PPP2R2D: variants seen among roughly 807,000 people sequenced by gnomAD.
PPP2R2D encodes the protein serine/threonine-protein phosphatase 2A 55 kDa regulatory subunit B delta isoform.
Under a neutral mutation model 31.1 loss-of-function variants are expected in PPP2R2D, and 9 were observed. The ratio of observed to expected loss-of-function variants is 0.29; its 90% CI spans 0.17 to 0.51. The LOEUF is 0.51. Among genes scored for constraint, PPP2R2D ranks in the 20% least tolerant of loss-of-function variants. PPP2R2D has a pLI of 0.98. For synonymous variants in PPP2R2D, 179 were observed against 172.6 expected, an observed-to-expected ratio of 1.04 and a Z score of -0.29; for missense variants, 391 against 465.6, an observed-to-expected ratio of 0.84 and a Z score of 1.48.
the PPP2R2D span, chr10:131,971,495 T>C: frequency 5.8e-5 from 9 of 156,438 alleles, no homozygotes; most frequent in South Asian, 1.8e-3. Flanking sequence ...CTCAGAATTA[T>C]ATAACAGCAC....
At chr10:131,907,408 G>A (rs922775037) in intron 2 of PPP2R2D, among the ~76,000 whole-genome samples, 48 of 152,284 alleles carry the variant, frequency 3.2e-4, no homozygotes, top group Non-Finnish European at 5.3e-4. Context: ...GAGCTTCATA[G>A]GAAGCCTCTG....
chr10:131,944,230 C>T, intron 6 of PPP2R2D, 85 bp downstream of exon 6: 1 of 1,125,906 alleles, frequency 8.9e-7, no homozygotes, highest in South Asian at 1.5e-5. Context: ...ACACCTGTAT[C>T]TCGGAGTCTA....
chr10:131,936,948 G>A (rs550196306), intron 3 of PPP2R2D, among the ~76,000 whole-genome samples: 5 of 152,340 alleles, frequency 3.3e-5, no homozygotes, highest in East Asian at 1.9e-4. Context: ...GGGTAAGGGC[G>A]GCAGTGCACG....
chr10:131,926,842 G>T (rs1406884369), intron 2 of PPP2R2D, among the ~76,000 whole-genome samples: 1 of 152,250 alleles, frequency 6.6e-6, no homozygotes, highest in Non-Finnish European at 1.5e-5. Flanking sequence ...CCTCTGCCCA[G>T]CGTGTAGAGG....
intron 2 of PPP2R2D, among the ~76,000 whole-genome samples, chr10:131,931,973 G>C (rs1378060337): frequency 6.6e-6 from 1 of 151,806 alleles, no homozygotes; most frequent in Non-Finnish European, 1.5e-5. Flanking sequence ...CTGCATCTCT[G>C]TGCCAGCCCC....
chr10:131,945,064 G>A lies in PPP2R2D; in HGVS notation c.656-231G>A, dbSNP rs1199913956. Reference sequence around the variant, plus strand: ...TAGCAGCAAGATGAAAGCGGTGTTCGCTTGTCTGTGTCTCCCCCTGGGCCG... The same window carrying A: ...TAGCAGCAAGATGAAAGCGGTGTTCACTTGTCTGTGTCTCCCCCTGGGCCG... On this transcript the variant is annotated intron_variant, in intron 6 of 8. Coordinates refer to ENST00000455566, the MANE Select transcript of PPP2R2D (RefSeq NM_018461.5). The surrounding 1 kb of genome is among the most constrained non-coding windows in gnomAD (Gnocchi z 4.8). Among the ~76,000 whole-genome samples, 4 of 152,108 alleles carry A rather than the reference G, an allele frequency of 2.6e-5. No individual in the cohort carries two copies. Among genetic ancestry groups the A allele is most frequent in the Non-Finnish European group, 2.9e-5 (2 of 68,012 alleles).
chr10:131,923,626 T>C (rs1326369518), intron 2 of PPP2R2D, among the ~76,000 whole-genome samples: 1 of 152,246 alleles, frequency 6.6e-6, no homozygotes, highest in Non-Finnish European at 1.5e-5. Flanking sequence ...TTAGCCATCC[T>C]AATAGTTGTG....
rs144977093 is a variant in PPP2R2D at position 131,925,849 on chromosome 10, G to A, written c.101-8609G>A. On this transcript the variant is annotated intron_variant, in intron 2 of 8. Transcript: ENST00000455566. Reference sequence around the variant, plus strand: ...GGTTTCCCCCTCACAAATTGAATACGAGGCCACCACGCAGAGGTTGAAGAA... The same window carrying A: ...GGTTTCCCCCTCACAAATTGAATACAAGGCCACCACGCAGAGGTTGAAGAA... Among the ~76,000 whole-genome samples, 654 of 152,254 alleles carry A rather than the reference G, an allele frequency of 4.3e-3. 3 individuals carry two copies. The highest frequency in any genetic ancestry group is 0.014 in the African/African-American group (589 of 41,546).
At chr10:131,938,924 T>C (rs2036392181) in intron 3 of PPP2R2D, among the ~76,000 whole-genome samples, 1 of 152,212 alleles carries the variant, frequency 6.6e-6, no homozygotes, top group South Asian at 2.1e-4. Context: ...ACACTTTCTC[T>C]CCAGGGCCAG....
intron 5 of PPP2R2D, among the ~76,000 whole-genome samples, chr10:131,941,315 A>G (rs1554897194): frequency 5.2e-5 from 8 of 152,382 alleles, no homozygotes; most frequent in Non-Finnish European, 1.5e-5. Flanking sequence ...CTAAAACTCA[A>G]AACCTCAATG....
the PPP2R2D span, among the ~76,000 whole-genome samples, chr10:131,964,953 CCAAT>C: frequency 1.3e-5 from 2 of 152,296 alleles, no homozygotes; most frequent in African/African-American, 2.4e-5. Context: ...CCCGGGGTAA[CCAAT>C]CTCATTTAAT....
chr10:131,952,214 CGG>C (rs370187334), intron 8 of PPP2R2D, among the ~76,000 whole-genome samples: 8 of 32,056 alleles, frequency 2.5e-4, no homozygotes, highest in Admixed American at 1.2e-3. Context: ...TGCGGGTGTG[CGG>C]GGGGGTTCAC....
chr10:131,919,943 TCA>T (rs2035937905), intron 2 of PPP2R2D, among the ~76,000 whole-genome samples: 1 of 147,566 alleles, frequency 6.8e-6, no homozygotes, highest in Non-Finnish European at 1.5e-5. Flanking sequence ...TGTAGGGACC[TCA>T]CACGGGTGGA....
At chr10:131,922,578 G>A (rs1310513540) in intron 2 of PPP2R2D, among the ~76,000 whole-genome samples, 1 of 150,960 alleles carries the variant, frequency 6.6e-6, no homozygotes, top group South Asian at 2.1e-4. Context: ...TCAGTCCCCC[G>A]AGTAGCTGGG....
At chr10:131,936,169 A>G (rs2036335777) in intron 3 of PPP2R2D, among the ~76,000 whole-genome samples, 1 of 150,822 alleles carries the variant, frequency 6.6e-6, no homozygotes, top group African/African-American at 2.4e-5. Flanking sequence ...TTTTTTTGAG[A>G]TGGAGTCTTG....
At chr10:131,938,003 G>A (rs1163050842) in intron 3 of PPP2R2D, among the ~76,000 whole-genome samples, 1 of 151,828 alleles carries the variant, frequency 6.6e-6, no homozygotes, top group Non-Finnish European at 1.5e-5. Context: ...CAGTGCGGCG[G>A]ACAGGGGCAG....
At chr10:131,925,797 T>C (rs1359139905) in intron 2 of PPP2R2D, among the ~76,000 whole-genome samples, 1 of 152,186 alleles carries the variant, frequency 6.6e-6, no homozygotes, top group African/African-American at 2.4e-5. Context: ...AGGAAAGCTC[T>C]CAGCAAAGAT....
chr10:131,951,360 T>A (rs2036632279), intron 8 of PPP2R2D, among the ~76,000 whole-genome samples: 3 of 152,232 alleles, frequency 2.0e-5, no homozygotes, highest in Admixed American at 2.0e-4. Context: ...GGTAAGTTGT[T>A]CTCTATCATA....
At chr10:131,915,810 T>G (rs1237899203) in intron 2 of PPP2R2D, among the ~76,000 whole-genome samples, 4 of 152,252 alleles carry the variant, frequency 2.6e-5, no homozygotes, top group Non-Finnish European at 4.4e-5. Context: ...TAAAGGCATC[T>G]GAAATATTAG....
Sources: allele counts gnomAD v4.1 joint callset (sites outside exome capture counted in the v4.1 genomes callset), GRCh38; gene constraint gnomAD v4.1.1; non-coding constraint Gnocchi (gnomAD v3.1); transcripts MANE v1.5; gene names NCBI Gene and HGNC (gene_info 2026-07-23, HGNC 2026-07-21).